Variants in SGSM2 observed in about 807,000 individuals in gnomAD.
SGSM2 encodes the protein small G protein signaling modulator 2.
In SGSM2, 89 loss-of-function variants were observed where a neutral mutation model predicts 126.6. That is an observed-to-expected ratio of 0.70 (90% CI 0.59 to 0.84). SGSM2 has a LOEUF of 0.84. SGSM2 is among the 40% of genes least tolerant of loss of function. SGSM2 has a pLI of 0.00. For missense variants in SGSM2, 1,404 were observed against 1,416.6 expected, an observed-to-expected ratio of 0.99 and a Z score of 0.14; for synonymous variants, 614 against 574.3, an observed-to-expected ratio of 1.07 and a Z score of -0.99.
intron 22 of SGSM2, among the ~76,000 whole-genome samples, 168 bp from the exon 23 acceptor site, chr17:2,378,868 G>A (rs2066293572): frequency 6.6e-6 from 1 of 152,158 alleles, no homozygotes. Context: ...TCCCTCACCT[G>A]GCTCCATTTA....
chr17:2,369,497 G>A (rs934743938), intron 12 of SGSM2, among the ~76,000 whole-genome samples: 4 of 151,660 alleles, frequency 2.6e-5, no homozygotes, highest in East Asian at 1.9e-4. Flanking sequence ...CCCTCCCCCC[G>A]TCCAGCCTGT....
rs767384666 is a variant in SGSM2, at chr17:2,379,159, G to A, written c.3023G>A (p.Arg1008His). ...GTGGAGGCCTACCGAGAGATCATCC[G>A]TGACAACAACATGGACTTCACTGAC... Reference protein sequence around the residue: ...ALVEAYREIIRDNNMDFTDII... With the variant: ...ALVEAYREIIHDNNMDFTDII... The change falls in exon 23 of 24, where the codon CGT (arginine) becomes CAT (histidine). Residue 1008 changes from arginine (R) to histidine (H), a missense_variant. Coordinates refer to ENST00000268989, the MANE Select transcript of SGSM2 (RefSeq NM_014853.3). 1.2e-5 allele frequency: 20 copies of A among 1,613,970 alleles called. No individual in the cohort carries two copies. The highest frequency in any genetic ancestry group is 8.9e-5 in the East Asian group (4 of 44,896).
Position 2,365,327 on chromosome 17 carries a change from A to G in SGSM2, c.1274A>G (p.His425Arg). 2 of 1,565,108 alleles carry G rather than the reference A, an allele frequency of 1.3e-6. No homozygotes were observed. Among genetic ancestry groups the G allele is most frequent in the Non-Finnish European group, 1.7e-6 (2 of 1,153,832 alleles). The change falls in exon 11 of 24, where the codon CAC becomes CGC. Residue 425 changes from histidine (H) to arginine (R), a missense_variant. Coordinates refer to ENST00000268989, the MANE Select transcript of SGSM2 (RefSeq NM_014853.3). ...GTGTTCCGGATCATCTACCCCGGCC[A>G]CAGGCACGAGCACAGTGAGTGTCCC... ...DYVFRIIYPG[H>R]RHEHITINYH...
chr17:2,358,990 A>G (rs940248112), intron 2 of SGSM2, among the ~76,000 whole-genome samples: 1 of 148,260 alleles, frequency 6.7e-6, no homozygotes, highest in Non-Finnish European at 1.5e-5. Flanking sequence ...TGATTCTCCT[A>G]CCTCAGCCTC....
At chr17:2,365,481 C>T (rs568704691) in intron 11 of SGSM2, 140 bp downstream of exon 11, 3 of 1,012,928 alleles carry the variant, frequency 3.0e-6, no homozygotes, top group Non-Finnish European at 4.2e-6. Flanking sequence ...CCTAGCCTCT[C>T]AGCTGGACCT....
Position 2,377,840 on chromosome 17 carries a change from T to C in SGSM2, c.2803-17T>C. Reference sequence around the variant, plus strand: ...GGCTCAGGGCTCAGCCTCTCTCCCTTTTCCCACCCACATAAGATCCTGGAC... The same window carrying C: ...GGCTCAGGGCTCAGCCTCTCTCCCTCTTCCCACCCACATAAGATCCTGGAC... On this transcript the variant is annotated splice_polypyrimidine_tract_variant and intron_variant, in intron 21 of 23. Transcript: ENST00000268989. The C allele has an allele frequency of 6.4e-7, 1 of 1,562,740 alleles. No individual in the cohort carries two copies. Among genetic ancestry groups the C allele is most frequent in the Non-Finnish European group, 8.8e-7 (1 of 1,133,872 alleles).
chr17:2,341,643 T>C (rs1219542694), intron 1 of SGSM2, among the ~76,000 whole-genome samples: 1 of 152,194 alleles, frequency 6.6e-6, no homozygotes, highest in African/African-American at 2.4e-5. Context: ...ACTTTATGTG[T>C]AACATTCTGC....
At position 2,363,897 on chromosome 17, in the gene SGSM2, C is replaced by T. The variant is rs1057197161; in HGVS notation, c.808-162C>T. On this transcript the variant is annotated intron_variant, in intron 7 of 23. Coordinates refer to ENST00000268989, the MANE Select transcript of SGSM2 (RefSeq NM_014853.3). This position sits in a 1 kb window ranked among gnomAD's most constrained non-coding sequence, Gnocchi z 4.2. Reference sequence around the variant, plus strand: ...AGTGGCACCAGGCTGACCAGGGAAACTGAGTCCTGTTTTCCTGTGCTTCTG... The same window carrying T: ...AGTGGCACCAGGCTGACCAGGGAAATTGAGTCCTGTTTTCCTGTGCTTCTG... 5.7e-6 allele frequency: 5 copies of T among 879,120 alleles called. No individual in the cohort carries two copies. The highest frequency in any genetic ancestry group is 8.7e-6 in the Non-Finnish European group (5 of 576,574). 54.5% of individuals were successfully genotyped at this position (879,120 alleles called of 1,614,324 possible).
intron 9 of SGSM2, 73 bp downstream of exon 9, chr17:2,364,736 G>A: frequency 6.3e-7 from 1 of 1,577,614 alleles, no homozygotes. Flanking sequence ...CTGTGCGTGG[G>A]GCCTGTAAGA....
At chr17:2,359,667 G>C (rs565312028) in intron 2 of SGSM2, among the ~76,000 whole-genome samples, 1 of 152,150 alleles carries the variant, frequency 6.6e-6, no homozygotes, top group African/African-American at 2.4e-5. Context: ...AGGCCACCCC[G>C]ATGGGAGTGC....
At position 2,375,963 on chromosome 17, in the gene SGSM2, G is replaced by T. The variant is rs932488791; in HGVS notation, c.2484+88G>T. 3 of 1,510,928 alleles carry T rather than the reference G, an allele frequency of 2.0e-6. No homozygotes were observed. In the African/African-American group the frequency reaches 4.2e-5, roughly 21 times the overall value. 93.6% of individuals were successfully genotyped at this position (1,510,928 alleles called of 1,614,324 possible). A position where few individuals can be genotyped will look rare whatever the true frequency, so the allele number is the denominator to read the frequency against. On this transcript the variant is annotated intron_variant, in intron 18 of 23. Coordinates refer to ENST00000268989, the MANE Select transcript of SGSM2 (RefSeq NM_014853.3). Reference sequence around the variant, plus strand: ...TGGGGAAGCGCTGGTGGGGTGGAAGGCGGGGCGCCCTGACTGCCCTGGAAG... The same window carrying T: ...TGGGGAAGCGCTGGTGGGGTGGAAGTCGGGGCGCCCTGACTGCCCTGGAAG...
At chr17:2,354,624 C>T (rs1207502544) in intron 2 of SGSM2, among the ~76,000 whole-genome samples, 8 of 152,180 alleles carry the variant, frequency 5.3e-5, no homozygotes, top group East Asian at 3.8e-4. Flanking sequence ...ATCTGTAGGA[C>T]GGATTCTCAG....
At position 2,377,901 on chromosome 17, in the gene SGSM2, C is replaced by G; in HGVS notation, c.2847C>G (p.Asp949Glu). The G allele has an allele frequency of 6.2e-7, 1 of 1,613,428 alleles. No homozygotes were observed. Among genetic ancestry groups the G allele is most frequent in the Admixed American group, 1.7e-5 (1 of 60,022 alleles). Residue 949 changes from aspartate to glutamate, a missense_variant, in exon 22 of 24, where the codon GAC (aspartate) becomes GAG (glutamate). By Grantham distance (45) the Asp-to-Glu change is conservative. Transcript: ENST00000268989. ...ELFELMHQNG[D>E]YTHFYFCYRW... ...TTGAGCTGATGCATCAGAATGGAGA[C>G]TACACCCACTTCTACTTCTGTTATC...
Position 2,363,283 on chromosome 17 carries a change from T to A in SGSM2, c.672+149T>A. On this transcript the variant is annotated intron_variant, in intron 6 of 23. Transcript: ENST00000268989. The surrounding 1 kb of genome is among the most constrained non-coding windows in gnomAD (Gnocchi z 4.2). ...AGAGCCTTCTCCGCACAATAAAACT[T>A]AACACAAATGCCGGGAGCCCATGCT... 2 of 1,342,128 alleles carry A rather than the reference T, an allele frequency of 1.5e-6. No homozygotes were observed. Among genetic ancestry groups the A allele is most frequent in the Non-Finnish European group, 2.0e-6 (2 of 1,000,126 alleles). The allele number at this position is 1,342,128 out of a possible 1,614,324, so 83.1% of individuals were successfully genotyped here. A position where few individuals can be genotyped will look rare whatever the true frequency, so the allele number is the denominator to read the frequency against.
Position 2,379,608 on chromosome 17 carries a change from C to A in SGSM2, c.*88C>A. On this transcript the variant is annotated 3_prime_UTR_variant, in exon 24 of 24. Transcript: ENST00000268989. ...GTCACCGCCCAGACCTCCCCAGCCA[C>A]CAACCGACCCCACCTCTGTTCCTAA... The A allele has an allele frequency of 6.5e-7, 1 of 1,529,692 alleles. No homozygotes were observed. Among genetic ancestry groups the A allele is most frequent in the Non-Finnish European group, 8.8e-7 (1 of 1,131,232 alleles). 94.8% of individuals were successfully genotyped at this position (1,529,692 alleles called of 1,614,324 possible).
chr17:2,376,353 C>G (rs775912858), intron 19 of SGSM2, 92 bp downstream of exon 19: 3 of 1,526,400 alleles, frequency 2.0e-6, no homozygotes, highest in Non-Finnish European at 2.7e-6. Context: ...CTGCTCCTCT[C>G]TCCTGCTCCT....
chr17:2,364,632 C>T lies in SGSM2; in HGVS notation c.969C>T (p.Ser323=). 2 of 1,614,232 alleles carry T rather than the reference C, an allele frequency of 1.2e-6. No homozygotes were observed. Among genetic ancestry groups the T allele is most frequent in the Non-Finnish European group, 1.7e-6 (2 of 1,180,040 alleles). ...YWDYALVVPF[S]QVVCIHCHQQ... ...ACTATGCCCTCGTGGTGCCCTTCAG[C>T]CAGGTCGTGTGCATCCACTGCCACC... The change falls in exon 9 of 24, where the codon AGC becomes AGT. Residue 323 remains serine, a synonymous_variant. Coordinates refer to ENST00000268989, the MANE Select transcript of SGSM2 (RefSeq NM_014853.3).
In SGSM2 at chr17:2,371,435, C is replaced by T. The variant is rs747841821; in HGVS notation, c.1577+20C>T. 5 of 1,571,272 alleles carry T rather than the reference C, an allele frequency of 3.2e-6. No homozygotes were observed. Among genetic ancestry groups the T allele is most frequent in the African/African-American group, 2.7e-5 (2 of 73,710 alleles). On this transcript the variant is annotated intron_variant, in intron 13 of 23. Coordinates refer to ENST00000268989, the MANE Select transcript of SGSM2 (RefSeq NM_014853.3). ...CGACCGGTGAGTGGGCAGCGCTCGG[C>T]CCCAGCTTCCCGTTAGCGTGTCCAG...
At chr17:2,376,871 G>A in intron 20 of SGSM2, 56 bp downstream of exon 20, 1 of 1,610,318 alleles carries the variant, frequency 6.2e-7, no homozygotes, top group East Asian at 2.2e-5. Context: ...AGGACGAGAG[G>A]GTGGCCAGGT....
Sources: allele counts gnomAD v4.1 joint callset (sites outside exome capture counted in the v4.1 genomes callset), GRCh38; gene constraint gnomAD v4.1.1; non-coding constraint Gnocchi (gnomAD v3.1); transcripts MANE v1.5; gene names NCBI Gene and HGNC (gene_info 2026-07-23, HGNC 2026-07-21).